Variants in DRC9 observed in about 807,000 individuals in gnomAD.
DRC9 encodes dynein regulatory complex protein 9.
the DRC9 span, among the ~76,000 whole-genome samples, chr3:197,919,175 G>A: frequency 1.3e-4 from 20 of 152,296 alleles, no homozygotes; most frequent in South Asian, 2.5e-3. Context: ...TTTTAATGCC[G>A]TTGCCATGGG....
At chr3:197,908,915 C>T in the DRC9 span, among the ~76,000 whole-genome samples, 2 of 152,154 alleles carry the variant, frequency 1.3e-5, no homozygotes, top group Non-Finnish European at 2.9e-5. Context: ...ACAGGGGTGA[C>T]TGTACCAGGT....
the DRC9 span, among the ~76,000 whole-genome samples, chr3:197,914,851 C>T: frequency 1.3e-5 from 2 of 152,214 alleles, no homozygotes; most frequent in African/African-American, 4.8e-5. Context: ...ACCTGAAGGA[C>T]AGGTAAGCCC....
the DRC9 span, chr3:197,956,856 A>G: frequency 6.6e-6 from 1 of 152,146 alleles, no homozygotes; most frequent in African/African-American, 2.4e-5. Context: ...CTACATTTCT[A>G]ACTGATGCAG....
chr3:197,891,596 C>T, the DRC9 span: 1 of 1,047,650 alleles, frequency 9.5e-7, no homozygotes, highest in Non-Finnish European at 1.5e-6. Context: ...CTTGGCTAAG[C>T]TGTAGCCCAG....
the DRC9 span, chr3:197,943,735 TA>T: frequency 1.3e-6 from 2 of 1,545,258 alleles, no homozygotes; most frequent in Admixed American, 1.8e-5. Context: ...GAGGGAGAAA[TA>T]AAAAATAAAG....
At chr3:197,945,125 A>G in the DRC9 span, among the ~76,000 whole-genome samples, 2 of 151,624 alleles carry the variant, frequency 1.3e-5, no homozygotes, top group East Asian at 3.9e-4. Flanking sequence ...TGTAACCAGA[A>G]GGTTACGGTG....
At chr3:197,933,040 A>G in the DRC9 span, among the ~76,000 whole-genome samples, 1 of 130,858 alleles carries the variant, frequency 7.6e-6, no homozygotes, top group African/African-American at 3.1e-5. Flanking sequence ...TATATATTAT[A>G]CATATATATA....
chr3:197,932,542 G>A, the DRC9 span, among the ~76,000 whole-genome samples: 2 of 151,722 alleles, frequency 1.3e-5, no homozygotes, highest in Non-Finnish European at 2.9e-5. Context: ...GGCTGAGGCA[G>A]GAGAATTGCT....
chr3:197,912,566 A>T, the DRC9 span: 1 of 783,176 alleles, frequency 1.3e-6, no homozygotes, highest in Non-Finnish European at 2.2e-6. Context: ...AAAGTTCATT[A>T]GGCTGAAAGA....
chr3:197,912,920 G>A, the DRC9 span: 2 of 632,176 alleles, frequency 3.2e-6, no homozygotes, highest in Non-Finnish European at 2.8e-6. Flanking sequence ...GCCACGTGGC[G>A]CGGCACTGTG....
chr3:197,912,101 C>T, the DRC9 span, among the ~76,000 whole-genome samples: 5 of 151,842 alleles, frequency 3.3e-5, no homozygotes, highest in African/African-American at 7.3e-5. Context: ...AGTACGGTGG[C>T]GTGATCTCAG....
At chr3:197,892,482 C>T in the DRC9 span, 3 of 950,240 alleles carry the variant, frequency 3.2e-6, no homozygotes, top group Non-Finnish European at 4.8e-6. Context: ...GCTACTGTGG[C>T]CTATTTGCCA....
At chr3:197,913,637 G>C in the DRC9 span, 4 of 598,036 alleles carry the variant, frequency 6.7e-6, no homozygotes, top group Non-Finnish European at 1.2e-5. Flanking sequence ...ACCAAGGAGA[G>C]AAAGTGCAGC....
the DRC9 span, among the ~76,000 whole-genome samples, chr3:197,899,445 G>A: frequency 6.6e-6 from 1 of 152,286 alleles, no homozygotes; most frequent in South Asian, 2.1e-4. Flanking sequence ...AGTCTAGGCT[G>A]GCTGTGGCGG....
chr3:197,901,330 G>A, the DRC9 span, among the ~76,000 whole-genome samples: 1 of 152,300 alleles, frequency 6.6e-6, no homozygotes, highest in African/African-American at 2.4e-5. The surrounding 1 kb of genome is among the most constrained non-coding windows in gnomAD (Gnocchi z 4.4). Flanking sequence ...TAGAGACCAG[G>A]TTTCACCATG....
At chr3:197,911,536 A>G in the DRC9 span, among the ~76,000 whole-genome samples, 1 of 152,258 alleles carries the variant, frequency 6.6e-6, no homozygotes, top group Admixed American at 6.5e-5. Context: ...ACAATTTTCA[A>G]TTATTTTATA....
At chr3:197,893,213 T>C in the DRC9 span, among the ~76,000 whole-genome samples, 7 of 151,784 alleles carry the variant, frequency 4.6e-5, no homozygotes, top group Non-Finnish European at 8.8e-5. Flanking sequence ...CAAAATTAGC[T>C]GGGCATGGTG....
chr3:197,931,862 T>C, the DRC9 span, among the ~76,000 whole-genome samples: 1 of 152,034 alleles, frequency 6.6e-6, no homozygotes. Flanking sequence ...CCTGACCTCG[T>C]GATCCGCCCG....
chr3:197,954,340 T>G, the DRC9 span: 1 of 653,136 alleles, frequency 1.5e-6, no homozygotes, highest in South Asian at 1.9e-5. Context: ...TTTTTTGTTT[T>G]TTTTTTGGGG....
Sources: gnomAD v4.1 joint callset for allele counts (sites outside exome capture counted in the v4.1 genomes callset) on GRCh38, gnomAD v4.1.1 for gene constraint, Gnocchi (gnomAD v3.1) non-coding constraint, MANE v1.5 for transcripts, NCBI Gene and HGNC (gene_info 2026-07-23, HGNC 2026-07-21) for gene names.